DPP6: variants seen among roughly 807,000 people sequenced by gnomAD.
The protein encoded by DPP6 is A-type potassium channel modulatory protein DPP6.
DPP6 carries 69 observed loss-of-function variants against 122.6 expected under a neutral mutation model. The observed-to-expected ratio is 0.56, with a 90% CI of 0.46 to 0.69. The LOEUF is 0.69. Ranked by LOEUF, DPP6 falls within the 30% of genes least tolerant of loss-of-function variation. DPP6 has a pLI of 0.00. For synonymous variants in DPP6, 418 were observed against 433.1 expected (o/e 0.97, Z 0.43); for missense variants, 928 against 1,116.9 (o/e 0.83, Z 2.41).
intron 6 of DPP6, among the ~76,000 whole-genome samples, chr7:154,647,581 A>G (rs79773006): frequency 9.2e-5 from 14 of 152,234 alleles, no homozygotes; most frequent in Non-Finnish European, 1.8e-4. Context: ...ATTGTTCCTG[A>G]GCCTGGCCAA....
At chr7:154,752,744 G>A (rs867394782) in intron 8 of DPP6, among the ~76,000 whole-genome samples, 1 of 152,198 alleles carries the variant, frequency 6.6e-6, no homozygotes, top group Non-Finnish European at 1.5e-5. Context: ...CGGCCGCTCT[G>A]TTCTAGGATG....
At chr7:154,372,417 C>T (rs1022439723) in intron 1 of DPP6, among the ~76,000 whole-genome samples, 5 of 152,158 alleles carry the variant, frequency 3.3e-5, no homozygotes, top group Non-Finnish European at 5.9e-5. Context: ...CACCATGAGT[C>T]GCCCCCAACA....
intron 4 of DPP6, 150 bp from the exon 5 acceptor site, chr7:154,566,692 G>A: frequency 1.7e-6 from 1 of 571,964 alleles, no homozygotes; most frequent in Non-Finnish European, 3.0e-6. Context: ...ACATCAATTA[G>A]CTAAATATTA....
intron 1 of DPP6, among the ~76,000 whole-genome samples, chr7:154,362,179 T>C (rs1811786772): frequency 1.3e-5 from 2 of 152,184 alleles, no homozygotes; most frequent in Non-Finnish European, 2.9e-5. Context: ...CTGAAGTCAA[T>C]AGCTGGTCCT....
rs141780739 is a variant in DPP6, at chr7:154,875,488, C to T, written c.1884-418C>T. On this transcript the variant is annotated intron_variant, in intron 19 of 25. Transcript: ENST00000377770. The surrounding 1 kb of genome is among the most constrained non-coding windows in gnomAD (Gnocchi z 4.5). ...GCCAGGGATGTGGCTAGAGTCAGCG[C>T]GGCCTTGTCACTTGTGATGGGTACT... Among the ~76,000 whole-genome samples the T allele has an allele frequency of 4.1e-4, 62 of 152,330 alleles. No individual in the cohort carries two copies. The East Asian group carries it at 9.3e-3, about 23-fold the overall frequency.
intron 1 of DPP6, among the ~76,000 whole-genome samples, chr7:154,424,951 G>A (rs1008591368): frequency 2.6e-5 from 4 of 152,218 alleles, no homozygotes; most frequent in Non-Finnish European, 4.4e-5. Flanking sequence ...TTGCTTTGCC[G>A]TGGTTATTGC....
At chr7:153,930,219 C>T (rs1053971064) in intron 1 of DPP6, among the ~76,000 whole-genome samples, 20 of 152,312 alleles carry the variant, frequency 1.3e-4, no homozygotes, top group African/African-American at 4.8e-4. Context: ...GACAGATTTC[C>T]ATCCTCTTCT....
At chr7:154,255,890 T>C (rs926349701) in intron 1 of DPP6, among the ~76,000 whole-genome samples, 3 of 152,218 alleles carry the variant, frequency 2.0e-5, no homozygotes, top group Admixed American at 2.0e-4. Context: ...TGTTTTATTT[T>C]ACTCACCCCT....
At chr7:154,223,580 C>T (rs1391498007) in intron 1 of DPP6, among the ~76,000 whole-genome samples, 1 of 149,080 alleles carries the variant, frequency 6.7e-6, no homozygotes, top group Non-Finnish European at 1.5e-5. Context: ...AAATTGAAAT[C>T]CGAAGGATGA....
chr7:154,546,488 T>TA lies in DPP6; in HGVS notation c.552+5878dup, dbSNP rs34283278. Reference sequence around the variant, plus strand: ...TGAAGGAGAAAATAAGTCGATTATTTAAAAAAAAAAAAAAAAGTATTCTAT... The same window carrying TA: ...TGAAGGAGAAAATAAGTCGATTATTTAAAAAAAAAAAAAAAAAGTATTCTAT... On this transcript the variant is annotated intron_variant, in intron 4 of 25. Coordinates refer to ENST00000377770, the MANE Select transcript of DPP6 (RefSeq NM_130797.4). Among the ~76,000 whole-genome samples, 483 of 144,624 alleles carry TA rather than the reference T, an allele frequency of 3.3e-3. 2 individuals are homozygous for TA. Among genetic ancestry groups the TA allele is most frequent in the Middle Eastern group, 0.018 (5 of 284 alleles). The allele number at this position is 144,624 out of a possible 152,430, so 94.9% of individuals were successfully genotyped here.
intron 18 of DPP6, among the ~76,000 whole-genome samples, chr7:154,870,808 C>T (rs981990243): frequency 2.0e-5 from 3 of 151,926 alleles, no homozygotes; most frequent in Non-Finnish European, 2.9e-5. Context: ...ACTAAAAATA[C>T]AAAAGTTAGC....
chr7:154,423,619 C>A (rs929826322), intron 1 of DPP6, among the ~76,000 whole-genome samples: 3 of 152,144 alleles, frequency 2.0e-5, no homozygotes, highest in African/African-American at 7.2e-5. Context: ...AGAGTCCTTG[C>A]CAATTGTTAT....
At chr7:154,243,299 A>G (rs760707172) in intron 1 of DPP6, among the ~76,000 whole-genome samples, 3 of 152,196 alleles carry the variant, frequency 2.0e-5, no homozygotes, top group Admixed American at 6.6e-5. Context: ...GTCAATAGAA[A>G]CAAGCCCTGA....
At chr7:153,830,556 GAAGAAT>G in the DPP6 span, among the ~76,000 whole-genome samples, 39 of 152,324 alleles carry the variant, frequency 2.6e-4, no homozygotes, top group East Asian at 6.8e-3. Context: ...CCACAGAGAT[GAAGAAT>G]AAGAAGTGTC....
At chr7:154,180,416 T>TATATATAATATATA (rs549472902) in intron 1 of DPP6, among the ~76,000 whole-genome samples, 1 of 145,456 alleles carries the variant, frequency 6.9e-6, no homozygotes, top group Non-Finnish European at 1.5e-5. Context: ...TATATATATC[T>TATATATAATATATA]ATATATAATA....
chr7:154,804,810 C>T (rs1798590210), intron 14 of DPP6, 107 bp from the exon 15 acceptor site: 1 of 1,490,002 alleles, frequency 6.7e-7, no homozygotes. Context: ...CCCTGCAGGC[C>T]ATGGGCGGCA....
intron 1 of DPP6, among the ~76,000 whole-genome samples, chr7:154,157,561 G>A (rs1396796374): frequency 7.2e-5 from 11 of 152,050 alleles, no homozygotes; most frequent in Non-Finnish European, 1.6e-4. Flanking sequence ...TTGCTCCCCA[G>A]TTGCTAATAT....
intron 1 of DPP6, among the ~76,000 whole-genome samples, chr7:154,209,796 G>A (rs889095935): frequency 1.3e-5 from 2 of 152,134 alleles, no homozygotes; most frequent in East Asian, 1.9e-4. Flanking sequence ...ACTTGCCATC[G>A]GTTCAAGAAT....
intron 1 of DPP6, among the ~76,000 whole-genome samples, chr7:153,954,359 A>C (rs986851573): frequency 5.3e-5 from 8 of 152,162 alleles, no homozygotes; most frequent in Non-Finnish European, 1.2e-4. Context: ...ATTTCTACTA[A>C]ATTTTGTGTG....
Sources: allele counts gnomAD v4.1 joint callset (sites outside exome capture counted in the v4.1 genomes callset), GRCh38; gene constraint gnomAD v4.1.1; non-coding constraint Gnocchi (gnomAD v3.1); transcripts MANE v1.5; gene names NCBI Gene and HGNC (gene_info 2026-07-23, HGNC 2026-07-21).